Variants in OTOF observed in about 807,000 individuals in gnomAD.
The protein encoded by OTOF is fer-1-like family member 2.
Under a neutral mutation model 236.8 loss-of-function variants are expected in OTOF, and 218 were observed. That is an observed-to-expected ratio of 0.92 (90% CI 0.82 to 1.03). The LOEUF (loss-of-function observed/expected upper bound fraction) is 1.03, where lower values mean the gene tolerates loss of function less well. Ranked by LOEUF, OTOF falls within the 50% of genes least tolerant of loss-of-function variation. The probability of loss-of-function intolerance (pLI) is 0.00; values close to 1 mark genes in which losing one functional copy is unlikely to be tolerated. For synonymous variants in OTOF, 1,041 were observed against 1,072.5 expected (o/e 0.97, Z 0.57); for missense variants, 2,590 against 2,694.4 (o/e 0.96, Z 0.86).
chr2:26,484,782 C>T (rs1280484453), intron 11 of OTOF, 149 bp from the exon 12 acceptor site: 2 of 769,442 alleles, frequency 2.6e-6, no homozygotes, highest in Non-Finnish European at 4.3e-6. Flanking sequence ...CTGTCCCTAG[C>T]CCAGGGTGTG....
chr2:26,558,148 G>T (rs1252551863), intron 1 of OTOF, among the ~76,000 whole-genome samples: 2 of 151,738 alleles, frequency 1.3e-5, no homozygotes, highest in Non-Finnish European at 2.9e-5. Context: ...GCAGGAGAGG[G>T]AGAGAGAGAG....
chr2:26,502,337 A>T lies in OTOF; in HGVS notation c.673T>A (p.Ser225Thr). The T allele has an allele frequency of 3.7e-6, 6 of 1,614,050 alleles. No individual in the cohort carries two copies. Among genetic ancestry groups the T allele is most frequent in the Non-Finnish European group, 5.1e-6 (6 of 1,179,992 alleles). ...GLDPDSVSLA[S>T]VTALTTNVSN... Reference sequence around the variant, plus strand: ...ACATTAGTGGTGAGAGCTGTGACTGAGGCTAGAGACACCGAGTCGGGATCC... The same window carrying T: ...ACATTAGTGGTGAGAGCTGTGACTGTGGCTAGAGACACCGAGTCGGGATCC... Residue 225 changes from serine (S) to threonine (T), a missense_variant, in exon 7 of 47, where the codon TCA becomes ACA. This residue lies in a region of OTOF where 1,379 missense variants were observed against 1,341.6 expected (regional missense o/e 1.03). Coordinates refer to ENST00000272371, the MANE Select transcript of OTOF (RefSeq NM_194248.3).
At position 26,483,449 on chromosome 2, in the gene OTOF, C is replaced by T. The variant is rs1272100462; in HGVS notation, c.1392+13G>A. On this transcript the variant is annotated intron_variant, in intron 13 of 46. Transcript: ENST00000272371. ...CACCCAGCCCCAGCCTCCTGTACCT[C>T]ATACCCCAGTACCTTCTGGCCAGCA... The T allele has an allele frequency of 1.9e-6, 3 of 1,613,044 alleles. No homozygotes were observed.
rs753981332 is a variant in OTOF, at chr2:26,477,581, C to G, written c.2315+68G>C. 2 of 1,601,652 alleles carry G rather than the reference C, an allele frequency of 1.2e-6. No individual in the cohort carries two copies. Among genetic ancestry groups the G allele is most frequent in the Non-Finnish European group, 1.7e-6 (2 of 1,172,742 alleles). ...TGTAGATTCTTCCTCATCTGCCCAG[C>G]CCTGGCAGGGTCCCCTTTGTCCAGT... On this transcript the variant is annotated intron_variant, in intron 19 of 46. Transcript: ENST00000272371. This position sits in a 1 kb window ranked among gnomAD's most constrained non-coding sequence, Gnocchi z 4.7.
At position 26,481,105 on chromosome 2, in the gene OTOF, G is replaced by A. The variant is rs72853743; in HGVS notation, c.1580-96C>T. On this transcript the variant is annotated intron_variant, in intron 14 of 46. Coordinates refer to ENST00000272371, the MANE Select transcript of OTOF (RefSeq NM_194248.3). ...TGGGGGTCCCTGGCCTCCAGCTCCT[G>A]GGTGCTGAGCTGAGAACTTCATGTG... The A allele has an allele frequency of 5.2e-3, 4,471 of 862,394 alleles. 70 individuals are homozygous for A. The highest frequency in any genetic ancestry group is 0.051 in the African/African-American group (3,056 of 59,962). The allele number at this position is 862,394 out of a possible 1,614,324, so 53.4% of individuals were successfully genotyped here.
intron 32 of OTOF, among the ~76,000 whole-genome samples, chr2:26,469,064 GAAAT>G (rs145017723): frequency 0.011 from 1,735 of 151,846 alleles, 25 homozygotes; most frequent in African/African-American, 0.036. Context: ...AAAAAAAAAA[GAAAT>G]AACACCTTGC....
At position 26,476,333 on chromosome 2, in the gene OTOF, G is replaced by C. The variant is rs763285587; in HGVS notation, c.2677-16C>G. 2 of 1,599,238 alleles carry C rather than the reference G, an allele frequency of 1.3e-6. No homozygotes were observed. Reference sequence around the variant, plus strand: ...TCCCTGGCAGCTGGGGGTGGGCATGGGGTCACCAGGAGCCTGACGGCTGCC... The same window carrying C: ...TCCCTGGCAGCTGGGGGTGGGCATGCGGTCACCAGGAGCCTGACGGCTGCC... On this transcript the variant is annotated splice_polypyrimidine_tract_variant and intron_variant, in intron 22 of 46. Transcript: ENST00000272371.
intron 3 of OTOF, among the ~76,000 whole-genome samples, chr2:26,523,176 C>T (rs1319138908): frequency 6.6e-6 from 1 of 152,256 alleles, no homozygotes; most frequent in African/African-American, 2.4e-5. Context: ...GGCTGGAGGC[C>T]AGGCCATGGA....
intron 8 of OTOF, among the ~76,000 whole-genome samples, chr2:26,499,743 T>C (rs930865318): frequency 2.0e-5 from 3 of 152,112 alleles, no homozygotes. Flanking sequence ...AATCCACTCA[T>C]CTCGGCCTCT....
intron 14 of OTOF, among the ~76,000 whole-genome samples, chr2:26,481,793 T>C (rs971581239): frequency 6.6e-6 from 1 of 152,202 alleles, no homozygotes; most frequent in African/African-American, 2.4e-5. Context: ...GGCAATCTAC[T>C]TTCTGTCTCT....
Position 26,489,945 on chromosome 2 carries a change from G to C in OTOF, c.898-205C>G, listed in dbSNP as rs115613662. Among the ~76,000 whole-genome samples, 355 of 152,352 alleles carry C rather than the reference G, an allele frequency of 2.3e-3. 4 individuals carry two copies. The highest frequency in any genetic ancestry group is 8.1e-3 in the African/African-American group (336 of 41,584). On this transcript the variant is annotated intron_variant, in intron 9 of 46. Transcript: ENST00000272371. ...GTAGGAAGCAGAGCCCCATCCCCTA[G>C]GTGGGGCTGGTGCTGGCTAGTGTGG...
intron 1 of OTOF, among the ~76,000 whole-genome samples, chr2:26,540,082 C>T (rs1024786743): frequency 3.3e-5 from 5 of 152,112 alleles, no homozygotes; most frequent in African/African-American, 9.7e-5. Context: ...TACAGGCATG[C>T]GCCACTGTGC....
chr2:26,457,628 G>A lies in OTOF; in HGVS notation c.*610C>T, dbSNP rs376374054. The A allele has an allele frequency of 4.5e-5, 8 of 177,034 alleles. No homozygotes were observed. The highest frequency in any genetic ancestry group is 1.2e-4 in the African/African-American group (5 of 41,996). 11.0% of individuals were successfully genotyped at this position (177,034 alleles called of 1,614,324 possible). On this transcript the variant is annotated 3_prime_UTR_variant, in exon 47 of 47. Transcript: ENST00000272371. This position sits in a 1 kb window ranked among gnomAD's most constrained non-coding sequence, Gnocchi z 4.4. ...GTCACGGCGGGGATACCTTTTGCTCGTTCATTCTTTTTAAAGCCCTGGGCA... is the reference window on the plus strand; with the variant it reads ...GTCACGGCGGGGATACCTTTTGCTCATTCATTCTTTTTAAAGCCCTGGGCA...
At position 26,467,403 on chromosome 2, in the gene OTOF, C is replaced by T. The variant is rs1212517593; in HGVS notation, c.4189G>A (p.Ala1397Thr). 13 of 1,613,736 alleles carry T rather than the reference C, an allele frequency of 8.1e-6. No homozygotes were observed. The highest frequency in any genetic ancestry group is 1.1e-5 in the Non-Finnish European group (13 of 1,180,018). ...QSSGSGQGSE[A>T]PEKKKPKIDE... ...ATCTTGGGTTTCTTCTTCTCGGGGGCCTCGGACCCCTGGCCAGAGCCAGAG... is the reference window on the plus strand; with the variant it reads ...ATCTTGGGTTTCTTCTTCTCGGGGGTCTCGGACCCCTGGCCAGAGCCAGAG... Residue 1397 changes from alanine (A) to threonine (T), a missense_variant, in exon 34 of 47, where the codon GCC (alanine) becomes ACC (threonine). By Grantham distance (58) the Ala-to-Thr change is moderately conservative. Around this residue, in one of 2 missense-constraint regions of OTOF, gnomAD observed 1,211 missense variants for 1,352.8 expected, o/e 0.90. Transcript: ENST00000272371.
At position 26,477,430 on chromosome 2, in the gene OTOF, A is replaced by G. The variant is rs1028297669; in HGVS notation, c.2392T>C (p.Cys798Arg). ...TGCGTCCTCACCAGCTCCCTCATGC[A>G]GGACTTGAGGCGCTCCCGGTCAAGC... ...TRLDRERLKS[C>R]MRELENMGQQ... Residue 798 changes from cysteine to arginine, a missense_variant, in exon 20 of 47, where the codon TGC becomes CGC. Cys to Arg is a radical substitution (Grantham distance 180). Coordinates refer to ENST00000272371, the MANE Select transcript of OTOF (RefSeq NM_194248.3). This position sits in a 1 kb window ranked among gnomAD's most constrained non-coding sequence, Gnocchi z 4.7. 1.0e-5 allele frequency: 16 copies of G among 1,592,132 alleles called. No homozygotes were observed. Among genetic ancestry groups the G allele is most frequent in the Non-Finnish European group, 1.2e-5 (14 of 1,169,786 alleles).
chr2:26,509,382 G>T (rs1666327519), intron 5 of OTOF, among the ~76,000 whole-genome samples: 1 of 152,128 alleles, frequency 6.6e-6, no homozygotes, highest in Non-Finnish European at 1.5e-5. Context: ...CTGGGAACCT[G>T]GCAAACTCCT....
chr2:26,541,717 C>A (rs1045974854), intron 1 of OTOF, among the ~76,000 whole-genome samples: 4 of 152,214 alleles, frequency 2.6e-5, no homozygotes, highest in Non-Finnish European at 5.9e-5. Flanking sequence ...TGTTGACATT[C>A]CAGCTTCATT....
rs1326757910 is a variant in OTOF at position 26,462,263 on chromosome 2, A to C, written c.5193-82T>G. ...GCCAGGGCTGGGATGGGGCAGGCGG[A>C]GAGAAGCCCTGGGGTCTTGGGGTCA... is the stretch of plus-strand genomic sequence containing the variant. On this transcript the variant is annotated intron_variant, in intron 41 of 46. Coordinates refer to ENST00000272371, the MANE Select transcript of OTOF (RefSeq NM_194248.3). The surrounding 1 kb of genome is among the most constrained non-coding windows in gnomAD (Gnocchi z 4.7). The C allele has an allele frequency of 1.6e-6, 2 of 1,212,434 alleles. No homozygotes were observed. The highest frequency in any genetic ancestry group is 4.6e-5 in the East Asian group (2 of 43,056). The allele number at this position is 1,212,434 out of a possible 1,614,324, so 75.1% of individuals were successfully genotyped here.
chr2:26,499,551 A>C (rs1666068838), intron 8 of OTOF, among the ~76,000 whole-genome samples: 1 of 152,134 alleles, frequency 6.6e-6, no homozygotes, highest in African/African-American at 2.4e-5. Context: ...TCTGTTGCCC[A>C]GGTTGGAGTG....
Sources: gnomAD v4.1 joint callset for allele counts (sites outside exome capture counted in the v4.1 genomes callset) on GRCh38, gnomAD v4.1.1 for gene constraint, gnomAD v4.1.1 regional missense constraint, Gnocchi (gnomAD v3.1) non-coding constraint, MANE v1.5 for transcripts, NCBI Gene and HGNC (gene_info 2026-07-23, HGNC 2026-07-21) for gene names.